The following NAA25 variants were observed in gnomAD, a reference collection of about 807,000 sequenced individuals.
NAA25 encodes the protein N-alpha-acetyltransferase 25, NatB auxiliary subunit, also known as N-terminal acetyltransferase B complex subunit NAA25.
NAA25 carries 30 observed loss-of-function variants against 132.5 expected under a neutral mutation model. The ratio of observed to expected loss-of-function variants is 0.23; its 90% CI spans 0.17 to 0.31. The LOEUF (loss-of-function observed/expected upper bound fraction) is 0.31, where lower values mean the gene tolerates loss of function less well. Among genes scored for constraint, NAA25 ranks in the 10% least tolerant of loss-of-function variants. The pLI is 1.00. For missense variants in NAA25, 771 were observed against 1,150.4 expected (o/e 0.67, Z 4.77); for synonymous variants, 359 against 401.9 (o/e 0.89, Z 1.28).
At chr12:112,041,350 G>C (rs1018517375) in intron 20 of NAA25, among the ~76,000 whole-genome samples, 1 of 151,886 alleles carries the variant, frequency 6.6e-6, no homozygotes, top group South Asian at 2.1e-4. Context: ...ACCACACCCG[G>C]CTAATTTTTT....
chr12:112,070,938 T>G (rs2013801683), intron 10 of NAA25, among the ~76,000 whole-genome samples: 1 of 152,152 alleles, frequency 6.6e-6, no homozygotes, highest in East Asian at 1.9e-4. Flanking sequence ...GTAGAGACGG[T>G]GTTTCACCAT....
chr12:112,078,946 T>C (rs1461326307), intron 5 of NAA25, among the ~76,000 whole-genome samples: 1 of 152,230 alleles, frequency 6.6e-6, no homozygotes, highest in Non-Finnish European at 1.5e-5. Flanking sequence ...CTATGTGTTC[T>C]TGAAATACTG....
At position 112,028,814 on chromosome 12, in the gene NAA25, A is replaced by T. The variant is rs2078114070; in HGVS notation, c.*717T>A. 2 of 152,286 alleles carry T rather than the reference A, an allele frequency of 1.3e-5. No homozygotes were observed. Among genetic ancestry groups the T allele is most frequent in the South Asian group, 4.1e-4 (2 of 4,822 alleles). The allele number at this position is 152,286 out of a possible 1,614,324, so 9.4% of individuals were successfully genotyped here. On this transcript the variant is annotated 3_prime_UTR_variant, in exon 24 of 24. Transcript: ENST00000261745. ...AGTGGTCTGCACTGCTTTCCCCTCT[A>T]AACAGCTATAAATTAACAGAGCCTT...
In NAA25 at chr12:112,053,598, C is replaced by T. The variant is rs568812422; in HGVS notation, c.1688G>A (p.Cys563Tyr). ...LGQYAAASQS[C>Y]NFALRFFHSN... ...GTGAAAAAACCTGAGTGCGAAGTTA[C>T]AGGATTGGGACGCAGCAGCATACTG... Residue 563 changes from cysteine (C) to tyrosine (Y), a missense_variant, in exon 15 of 24, where the codon TGT (cysteine) becomes TAT (tyrosine). This residue lies in a region of NAA25 where 417 missense variants were observed against 733.8 expected (regional missense o/e 0.57). Coordinates refer to ENST00000261745, the MANE Select transcript of NAA25 (RefSeq NM_024953.4). 2.5e-6 allele frequency: 4 copies of T among 1,608,408 alleles called. No individual in the cohort carries two copies. The African/African-American group carries it at 4.0e-5, about 16-fold the overall frequency.
intron 23 of NAA25, among the ~76,000 whole-genome samples, chr12:112,030,845 C>A (rs1484439556): frequency 8.5e-5 from 13 of 152,210 alleles, no homozygotes; most frequent in African/African-American, 2.9e-4. Context: ...AAATGTCCAA[C>A]AGCAGTGGTG....
chr12:112,078,163 C>G (rs762676593), intron 7 of NAA25, 25 bp downstream of exon 7: 9 of 1,489,340 alleles, frequency 6.0e-6, no homozygotes, highest in Non-Finnish European at 8.2e-6. Context: ...AAAAAAAAAG[C>G]TTTAAGAAAA....
intron 7 of NAA25, among the ~76,000 whole-genome samples, chr12:112,077,410 T>G (rs2078909170): frequency 6.6e-6 from 1 of 150,738 alleles, no homozygotes; most frequent in Admixed American, 6.6e-5. Context: ...GAGGCAGAGG[T>G]TGCAGTGAGC....
intron 11 of NAA25, among the ~76,000 whole-genome samples, chr12:112,067,761 C>A (rs968640483): frequency 1.3e-5 from 2 of 152,140 alleles, no homozygotes; most frequent in African/African-American, 2.4e-5. Flanking sequence ...TATTTCACTC[C>A]GCATAAATTC....
intron 14 of NAA25, 99 bp downstream of exon 14, chr12:112,054,289 G>T: frequency 9.7e-7 from 1 of 1,028,812 alleles, no homozygotes; most frequent in Non-Finnish European, 1.4e-6. Flanking sequence ...TAATCAGAAA[G>T]GCTTAATGTC....
At chr12:112,081,218 TG>T in intron 4 of NAA25, 84 bp from the exon 5 acceptor site, 3 of 1,132,708 alleles carry the variant, frequency 2.6e-6, no homozygotes, top group Non-Finnish European at 3.9e-6. Flanking sequence ...AAAAGTTTCT[TG>T]GGAGAACAGC....
chr12:112,036,861 G>A (rs564617582), intron 22 of NAA25, among the ~76,000 whole-genome samples: 14 of 150,620 alleles, frequency 9.3e-5, no homozygotes, highest in South Asian at 4.2e-4. Context: ...AAAAAAGTAC[G>A]TAAAACTGTG....
rs1474584492 is a variant in NAA25 at position 112,028,400 on chromosome 12, A to C, written c.*1131T>G. 1 of 152,558 alleles carries C rather than the reference A, an allele frequency of 6.6e-6. No homozygotes were observed. Among genetic ancestry groups the C allele is most frequent in the Non-Finnish European group, 1.5e-5 (1 of 68,048 alleles). The allele number at this position is 152,558 out of a possible 1,614,324, so 9.5% of individuals were successfully genotyped here. A position where few individuals can be genotyped will look rare whatever the true frequency, so the allele number is the denominator to read the frequency against. On this transcript the variant is annotated 3_prime_UTR_variant, in exon 24 of 24. Transcript: ENST00000261745. The stretch of plus-strand genomic sequence containing the variant: ...TATCAGACCAACCACTGATAGAAGA[A>C]GCTAGAGTCTTGGGGACATCCAGGT...
chr12:112,046,112 T>A (rs929400799), intron 17 of NAA25, among the ~76,000 whole-genome samples: 2 of 152,208 alleles, frequency 1.3e-5, no homozygotes, highest in Non-Finnish European at 2.9e-5. Context: ...TAAGAGTGAC[T>A]CGCTGTGCCT....
chr12:112,106,091 C>T (rs994190075), intron 1 of NAA25, among the ~76,000 whole-genome samples: 6 of 152,152 alleles, frequency 3.9e-5, no homozygotes, highest in Admixed American at 1.3e-4. Flanking sequence ...CAGTCTGTAC[C>T]GTTCTTTTCC....
chr12:112,107,014 C>A (rs1196548222), intron 1 of NAA25, among the ~76,000 whole-genome samples: 1 of 147,226 alleles, frequency 6.8e-6, no homozygotes, highest in Admixed American at 6.8e-5. Flanking sequence ...GTGGCTCACA[C>A]CTATAATCCC....
At chr12:112,062,133 A>G (rs901595755) in intron 11 of NAA25, among the ~76,000 whole-genome samples, 16 of 152,326 alleles carry the variant, frequency 1.1e-4, no homozygotes, top group Middle Eastern at 3.4e-3. Context: ...GCAGTGGCTC[A>G]GGCCTGTAAT....
intron 3 of NAA25, among the ~76,000 whole-genome samples, chr12:112,088,140 C>T (rs1593823463): frequency 6.6e-6 from 1 of 152,134 alleles, no homozygotes; most frequent in Non-Finnish European, 1.5e-5. Context: ...CTAAACTCTT[C>T]GCTCTGCCTG....
At chr12:112,037,044 T>G (rs1407701840) in intron 22 of NAA25, among the ~76,000 whole-genome samples, 1 of 151,854 alleles carries the variant, frequency 6.6e-6, no homozygotes, top group African/African-American at 2.4e-5. Flanking sequence ...AAAAAATGTC[T>G]GATTTCAGTT....
intron 11 of NAA25, among the ~76,000 whole-genome samples, chr12:112,067,419 T>C (rs2078736179): frequency 6.6e-6 from 1 of 152,162 alleles, no homozygotes; most frequent in Non-Finnish European, 1.5e-5. Flanking sequence ...TTCTATTTTA[T>C]AGAATAAAGC....
Sources: gnomAD v4.1 joint callset for allele counts (sites outside exome capture counted in the v4.1 genomes callset) on GRCh38, gnomAD v4.1.1 for gene constraint, gnomAD v4.1.1 regional missense constraint, MANE v1.5 for transcripts, NCBI Gene and HGNC (gene_info 2026-07-23, HGNC 2026-07-21) for gene names.